EIF3H: variants seen among roughly 807,000 people sequenced by gnomAD.
EIF3H encodes eukaryotic translation initiation factor 3 subunit H, also known as eIF-3-gamma.
In EIF3H, 26 loss-of-function variants were observed where a neutral mutation model predicts 44.2. That is an observed-to-expected ratio of 0.59 (90% CI 0.43 to 0.82). EIF3H has a LOEUF of 0.82. EIF3H is among the 40% of genes least tolerant of loss of function. EIF3H has a pLI of 0.00. For missense variants in EIF3H, 359 were observed against 432.8 expected (o/e 0.83, Z 1.51); for synonymous variants, 166 against 151.9 (o/e 1.09, Z -0.68).
intron 1 of EIF3H, among the ~76,000 whole-genome samples, chr8:116,747,843 C>T (rs1265545356): frequency 1.3e-5 from 2 of 152,204 alleles, no homozygotes; most frequent in African/African-American, 4.8e-5. Context: ...GCTGCGGTGG[C>T]TCACACCTGT....
At chr8:116,698,772 G>C (rs1259480330) in intron 2 of EIF3H, among the ~76,000 whole-genome samples, 1 of 152,094 alleles carries the variant, frequency 6.6e-6, no homozygotes, top group Non-Finnish European at 1.5e-5. Context: ...CATTGTTTAA[G>C]ATGATTTTTT....
At chr8:116,681,134 G>A (rs1372671252) in intron 2 of EIF3H, among the ~76,000 whole-genome samples, 2 of 152,052 alleles carry the variant, frequency 1.3e-5, no homozygotes, top group African/African-American at 2.4e-5. Flanking sequence ...AGGCTGAGGT[G>A]GGCAGATCAC....
intron 2 of EIF3H, among the ~76,000 whole-genome samples, chr8:116,712,118 G>C (rs138547691): frequency 6.6e-6 from 1 of 152,178 alleles, no homozygotes; most frequent in African/African-American, 2.4e-5. Context: ...CGCCGCCGCT[G>C]CTGCTGCTGT....
chr8:116,667,464 C>CAA (rs36085143), intron 2 of EIF3H, among the ~76,000 whole-genome samples: 12,558 of 138,424 alleles, frequency 0.091, 703 homozygotes, highest in African/African-American at 0.15. Context: ...TACAACTTCA[C>CAA]AAAAAAAAAA....
At chr8:116,649,997 G>A (rs1356995185) in intron 5 of EIF3H, among the ~76,000 whole-genome samples, 2 of 152,182 alleles carry the variant, frequency 1.3e-5, no homozygotes, top group Non-Finnish European at 2.9e-5. Flanking sequence ...CATGGCTAGA[G>A]CACAGGGATT....
intron 3 of EIF3H, 156 bp from the exon 4 acceptor site, chr8:116,657,470 C>A: frequency 1.6e-6 from 1 of 617,414 alleles, no homozygotes. Context: ...AGACTCAAAG[C>A]ACTATTGCAA....
chr8:116,656,969 C>T (rs906985002), intron 4 of EIF3H, among the ~76,000 whole-genome samples: 1 of 152,110 alleles, frequency 6.6e-6, no homozygotes, highest in Non-Finnish European at 1.5e-5. Flanking sequence ...TCTTCGAATC[C>T]AGTAGCTAAT....
At position 116,697,940 on chromosome 8, in the gene EIF3H, T is replaced by C. The variant is rs528609814; in HGVS notation, c.289+28076A>G. 2.6e-5 allele frequency among the ~76,000 whole-genome samples: 4 copies of C among 152,306 alleles called. No individual in the cohort carries two copies. In the East Asian group the frequency reaches 5.8e-4, roughly 22 times the overall value. On this transcript the variant is annotated intron_variant, in intron 2 of 7. Transcript: ENST00000521861. ...CCAAGACTTTTGTGAAAAATAACAATATCTACTACACATTAAGTGCTTACT... is the reference window on the plus strand; with the variant it reads ...CCAAGACTTTTGTGAAAAATAACAACATCTACTACACATTAAGTGCTTACT...
chr8:116,667,218 G>C (rs1813684959), intron 2 of EIF3H, among the ~76,000 whole-genome samples: 1 of 152,108 alleles, frequency 6.6e-6, no homozygotes, highest in Non-Finnish European at 1.5e-5. Context: ...TATCCAAAGG[G>C]AGACAAATAT....
chr8:116,752,728 GA>G (rs1563663029), intron 1 of EIF3H, among the ~76,000 whole-genome samples: 7 of 115,542 alleles, frequency 6.1e-5, no homozygotes, highest in African/African-American at 1.3e-4. Flanking sequence ...AAGAAAGAAA[GA>G]AAGAAGAGAA....
chr8:116,723,620 A>C (rs1249305946), intron 2 of EIF3H, among the ~76,000 whole-genome samples: 1 of 152,232 alleles, frequency 6.6e-6, no homozygotes, highest in Non-Finnish European at 1.5e-5. Flanking sequence ...TGCTCAAGGT[A>C]CTATGAAGGT....
intron 2 of EIF3H, among the ~76,000 whole-genome samples, chr8:116,695,142 C>T (rs1489603271): frequency 6.7e-6 from 1 of 149,806 alleles, no homozygotes; most frequent in Non-Finnish European, 1.5e-5. Context: ...AATCTAGGCT[C>T]ACTACAACCT....
chr8:116,675,502 C>T (rs558032427), intron 2 of EIF3H, among the ~76,000 whole-genome samples: 1 of 152,224 alleles, frequency 6.6e-6, no homozygotes, highest in South Asian at 2.1e-4. Flanking sequence ...CACCTCTTCC[C>T]AAGTTGTGGC....
chr8:116,735,005 T>C (rs1815009533), intron 1 of EIF3H, among the ~76,000 whole-genome samples: 1 of 152,242 alleles, frequency 6.6e-6, no homozygotes, highest in African/African-American at 2.4e-5. Flanking sequence ...ATATGCGTAT[T>C]CCTAATGCCA....
At chr8:116,758,939 A>G (rs1444073352), upstream of EIF3H, among the ~76,000 whole-genome samples, 1 of 152,228 alleles carries the variant, frequency 6.6e-6, no homozygotes, top group Non-Finnish European at 1.5e-5. Flanking sequence ...CAAATCCATC[A>G]TCTAAGCTCT....
intron 1 of EIF3H, among the ~76,000 whole-genome samples, chr8:116,728,653 T>C (rs948625951): frequency 3.3e-5 from 5 of 152,040 alleles, no homozygotes; most frequent in African/African-American, 9.7e-5. Context: ...AGACCTTCAA[T>C]ACTACGAAAT....
intron 1 of EIF3H, among the ~76,000 whole-genome samples, chr8:116,765,080 G>A (rs1815556349): frequency 6.6e-6 from 1 of 152,142 alleles, no homozygotes; most frequent in South Asian, 2.1e-4. Flanking sequence ...TGTTTTAACT[G>A]TTTTGCAAGA....
chr8:116,677,486 GGA>G (rs1813869337), intron 2 of EIF3H, among the ~76,000 whole-genome samples: 1 of 152,144 alleles, frequency 6.6e-6, no homozygotes, highest in South Asian at 2.1e-4. Context: ...CATTTACTTG[GGA>G]GTAAGGCATT....
At chr8:116,647,872 AC>A (rs940707625) in intron 6 of EIF3H, among the ~76,000 whole-genome samples, 34 of 151,974 alleles carry the variant, frequency 2.2e-4, no homozygotes, top group African/African-American at 6.3e-4. Context: ...AGCTGAGATG[AC>A]TTTTTTCCCC....
Sources: gnomAD v4.1 joint callset for allele counts (sites outside exome capture counted in the v4.1 genomes callset) on GRCh38, gnomAD v4.1.1 for gene constraint, MANE v1.5 for transcripts, NCBI Gene and HGNC (gene_info 2026-07-23, HGNC 2026-07-21) for gene names.